Variants in ABCG1 observed in about 807,000 individuals in gnomAD.
ABCG1 encodes ATP binding cassette subfamily G member 1.
In ABCG1, 29 loss-of-function variants were observed where a neutral mutation model predicts 69.2. The ratio of observed to expected loss-of-function variants is 0.42; its 90% CI spans 0.31 to 0.57. ABCG1 has a LOEUF of 0.57. Among genes scored for constraint, ABCG1 ranks in the 20% least tolerant of loss-of-function variants. ABCG1 has a pLI of 0.15. For synonymous variants in ABCG1, 370 were observed against 374.8 expected (o/e 0.99, Z 0.15); for missense variants, 718 against 898.1 (o/e 0.80, Z 2.56).
intron 6 of ABCG1, 88 bp downstream of exon 6, chr21:42,282,507 T>G: frequency 6.8e-7 from 1 of 1,471,284 alleles, no homozygotes; most frequent in Non-Finnish European, 9.1e-7. Context: ...GACATCCTGA[T>G]GTAGCCTCAG....
At position 42,281,719 on chromosome 21, in the gene ABCG1, C is replaced by A. The variant is rs548195283; in HGVS notation, c.589-555C>A. Among the ~76,000 whole-genome samples, 54 of 152,276 alleles carry A rather than the reference C, an allele frequency of 3.5e-4. 2 individuals carry two copies. The South Asian group carries it at 0.01, about 29-fold the overall frequency. On this transcript the variant is annotated intron_variant, in intron 5 of 14. Transcript: ENST00000398449. The stretch of plus-strand genomic sequence containing the variant: ...CTGGTGTGTGTGACCGTGTTCCTGC[C>A]CTTAATGCCTACCTCAGCGATGACA...
intron 2 of ABCG1, among the ~76,000 whole-genome samples, chr21:42,232,030 C>T (rs1030086208): frequency 6.6e-6 from 1 of 152,152 alleles, no homozygotes; most frequent in Non-Finnish European, 1.5e-5. Flanking sequence ...GGGCCAGTTC[C>T]TAGGTTCTCA....
intron 1 of ABCG1, chr21:42,220,039 C>T (rs1385459035): frequency 3.9e-6 from 6 of 1,552,400 alleles, no homozygotes; most frequent in Non-Finnish European, 5.2e-6. Context: ...CTGCTGGACA[C>T]AGTTACTGTA....
At chr21:42,202,066 G>A (rs1347656236) in intron 2 of ABCG1, among the ~76,000 whole-genome samples, 1 of 152,222 alleles carries the variant, frequency 6.6e-6, no homozygotes, top group African/African-American at 2.4e-5. Context: ...GCCTGTCCCT[G>A]CCCTCTGCAA....
At chr21:42,295,925 G>T (rs981607187) in intron 14 of ABCG1, among the ~76,000 whole-genome samples, 1 of 152,102 alleles carries the variant, frequency 6.6e-6, no homozygotes, top group African/African-American at 2.4e-5. Context: ...CATTCAACTT[G>T]TTTTTTTGCT....
intron 2 of ABCG1, among the ~76,000 whole-genome samples, chr21:42,211,052 C>CA: frequency 6.6e-6 from 1 of 151,884 alleles, no homozygotes; most frequent in South Asian, 2.1e-4. Context: ...CTCCTCCTCC[C>CA]AGGTTCATGC....
rs751856034 is a variant in ABCG1, at chr21:42,288,287, C to T, written c.1199C>T (p.Thr400Ile). ...LTQFCILFKR[T>I]FLSIMRDSVL... is the part of the protein sequence containing the mutation. ...CAGTTCTGCATCCTCTTCAAGAGGA[C>T]CTTCCTCAGCATCATGAGGGACTCG... Residue 400 changes from threonine (T) to isoleucine (I), a missense_variant, in exon 10 of 15, where the codon ACC becomes ATC. Coordinates refer to ENST00000398449, the MANE Select transcript of ABCG1 (RefSeq NM_016818.3). The surrounding 1 kb of genome is among the most constrained non-coding windows in gnomAD (Gnocchi z 4.8). The T allele has an allele frequency of 2.5e-6, 4 of 1,612,220 alleles. No homozygotes were observed. Among genetic ancestry groups the T allele is most frequent in the Non-Finnish European group, 3.4e-6 (4 of 1,178,534 alleles).
Position 42,219,349 on chromosome 21 carries a change from A to C in ABCG1, c.42+45A>C. On this transcript the variant is annotated intron_variant, in intron 1 of 14. Coordinates refer to ENST00000398449, the MANE Select transcript of ABCG1 (RefSeq NM_016818.3). This position sits in a 1 kb window ranked among gnomAD's most constrained non-coding sequence, Gnocchi z 5.3. ...GTCCGCCGGGAACGGTTTTATTTTCAAGGAGAGCAGGAAACACACAAAGAC... is the reference window on the plus strand; with the variant it reads ...GTCCGCCGGGAACGGTTTTATTTTCCAGGAGAGCAGGAAACACACAAAGAC... 1 of 1,580,244 alleles carries C rather than the reference A, an allele frequency of 6.3e-7. No homozygotes were observed. Among genetic ancestry groups the C allele is most frequent in the Non-Finnish European group, 8.6e-7 (1 of 1,167,728 alleles).
chr21:42,268,388 T>TGC (rs377669349), intron 2 of ABCG1, among the ~76,000 whole-genome samples: 545 of 110,160 alleles, frequency 4.9e-3, no homozygotes, highest in Non-Finnish European at 7.9e-3. Context: ...TGTGTGTGTG[T>TGC]GCGCGCGCGC....
chr21:42,204,203 T>A (rs1416249631), intron 2 of ABCG1, among the ~76,000 whole-genome samples: 2 of 152,086 alleles, frequency 1.3e-5, no homozygotes, highest in African/African-American at 2.4e-5. Flanking sequence ...ACAGTTTTGC[T>A]TTTTTTTCCC....
At chr21:42,242,912 G>A (rs1029894020) in intron 2 of ABCG1, among the ~76,000 whole-genome samples, 1 of 152,184 alleles carries the variant, frequency 6.6e-6, no homozygotes, top group African/African-American at 2.4e-5. Flanking sequence ...GTTTGGGGCA[G>A]GCAGGGTTCC....
At chr21:42,248,251 A>T (rs900372270) in intron 2 of ABCG1, among the ~76,000 whole-genome samples, 5 of 152,166 alleles carry the variant, frequency 3.3e-5, no homozygotes, top group African/African-American at 1.2e-4. Context: ...ATCTGGAAAG[A>T]TAGTAGTTGC....
In ABCG1 at chr21:42,282,307, T is replaced by C; in HGVS notation, c.622T>C (p.Ser208Pro). ...GATACTGACAGCGCTGGGCTTGCTG[T>C]CTTGCGCCAACACGCGGACCGGGAG... ...KEILTALGLL[S>P]CANTRTGSLS... Residue 208 changes from serine to proline, a missense_variant, in exon 6 of 15, where the codon TCT (serine) becomes CCT (proline). This residue lies in a region of ABCG1 where 514 missense variants were observed against 574.3 expected (regional missense o/e 0.90). Coordinates refer to ENST00000398449, the MANE Select transcript of ABCG1 (RefSeq NM_016818.3). 1 of 1,613,022 alleles carries C rather than the reference T, an allele frequency of 6.2e-7. No individual in the cohort carries two copies. The highest frequency in any genetic ancestry group is 8.5e-7 in the Non-Finnish European group (1 of 1,180,018).
chr21:42,219,090 CG>C, upstream of ABCG1: 1 of 472,868 alleles, frequency 2.1e-6, no homozygotes, highest in Non-Finnish European at 3.0e-6. This position sits in a 1 kb window ranked among gnomAD's most constrained non-coding sequence, Gnocchi z 5.3. Context: ...ATCGCGCGCT[CG>C]GGGCGGGGTC....
At chr21:42,217,486 C>T (rs375292186), upstream of ABCG1, among the ~76,000 whole-genome samples, 8 of 152,042 alleles carry the variant, frequency 5.3e-5, no homozygotes, top group East Asian at 9.7e-4. Flanking sequence ...TGTGTTTTGG[C>T]GTAAACACTC....
intron 2 of ABCG1, among the ~76,000 whole-genome samples, chr21:42,230,075 C>T (rs2067878930): frequency 2.0e-5 from 3 of 152,196 alleles, no homozygotes; most frequent in Non-Finnish European, 4.4e-5. Flanking sequence ...ACAAGAAAGG[C>T]GATGCGGGAA....
intron 2 of ABCG1, among the ~76,000 whole-genome samples, chr21:42,204,860 CCTGGG>C (rs1191585423): frequency 1.3e-5 from 2 of 152,090 alleles, no homozygotes; most frequent in Non-Finnish European, 1.5e-5. Context: ...GATTTTGATA[CCTGGG>C]TATGCTAACT....
intron 2 of ABCG1, among the ~76,000 whole-genome samples, chr21:42,209,771 A>G (rs2067571924): frequency 6.6e-6 from 1 of 152,240 alleles, no homozygotes. Flanking sequence ...TGTGCCGGCC[A>G]TGGCTTTCAA....
intron 6 of ABCG1, among the ~76,000 whole-genome samples, chr21:42,284,225 C>A (rs1342760157): frequency 7.5e-5 from 11 of 146,620 alleles, no homozygotes; most frequent in African/African-American, 2.8e-4. Flanking sequence ...GAGTGGGGAC[C>A]CCCCCACCTC....
Sources: allele counts gnomAD v4.1 joint callset (sites outside exome capture counted in the v4.1 genomes callset), GRCh38; gene constraint gnomAD v4.1.1; regional missense constraint gnomAD v4.1.1; non-coding constraint Gnocchi (gnomAD v3.1); transcripts MANE v1.5; gene names NCBI Gene and HGNC (gene_info 2026-07-23, HGNC 2026-07-21).